OXCT1: variants seen among roughly 807,000 people sequenced by gnomAD.
OXCT1 encodes the protein succinyl-CoA:3-ketoacid coenzyme A transferase 1, mitochondrial.
Under a neutral mutation model 69.6 loss-of-function variants are expected in OXCT1, and 27 were observed. The ratio of observed to expected loss-of-function variants is 0.39; its 90% CI spans 0.29 to 0.54. OXCT1 has a LOEUF of 0.54. OXCT1 is among the 20% of genes least tolerant of loss of function. The pLI, the probability that OXCT1 is intolerant of heterozygous loss-of-function variation, is 0.72. For synonymous variants in OXCT1, 202 were observed against 217.8 expected, an observed-to-expected ratio of 0.93 and a Z score of 0.64; for missense variants, 437 against 650.2, an observed-to-expected ratio of 0.67 and a Z score of 3.57.
At chr5:41,855,204 T>A (rs1749374980) in intron 3 of OXCT1, among the ~76,000 whole-genome samples, 2 of 152,230 alleles carry the variant, frequency 1.3e-5, no homozygotes, top group South Asian at 4.1e-4. Flanking sequence ...ATGTTCAAAA[T>A]CAGACAAAAC....
chr5:41,817,233 TA>T (rs200831486), intron 7 of OXCT1, among the ~76,000 whole-genome samples: 4 of 151,016 alleles, frequency 2.6e-5, no homozygotes, highest in Non-Finnish European at 4.4e-5. Flanking sequence ...TTCCTATAGT[TA>T]AAAAAAAAGA....
chr5:41,804,128 G>C (rs1746556132), intron 9 of OXCT1, among the ~76,000 whole-genome samples: 1 of 152,092 alleles, frequency 6.6e-6, no homozygotes, highest in African/African-American at 2.4e-5. Flanking sequence ...CTTGTGGATA[G>C]AGTAAATCTA....
intron 1 of OXCT1, among the ~76,000 whole-genome samples, chr5:41,864,562 C>T (rs1158815000): frequency 2.0e-5 from 3 of 152,162 alleles, no homozygotes; most frequent in South Asian, 4.1e-4. Context: ...ACAGAAGGAT[C>T]GTAAGATAAA....
rs140027313 is a variant in OXCT1 at position 41,782,563 on chromosome 5, T to C, written c.1248+11440A>G. On this transcript the variant is annotated intron_variant, in intron 13 of 16. Coordinates refer to ENST00000196371, the MANE Select transcript of OXCT1 (RefSeq NM_000436.4). ...TGTATGTCTTCTTTTGAGAAGTATC[T>C]GTTCATGTCCTTTGCCCACTTTTTA... Among the ~76,000 whole-genome samples, 592 of 152,322 alleles carry C rather than the reference T, an allele frequency of 3.9e-3. 2 individuals are homozygous for C. The highest frequency in any genetic ancestry group is 0.014 in the African/African-American group (571 of 41,572).
intron 15 of OXCT1, chr5:41,739,870 CAAAAA>C (rs770217745): frequency 3.7e-5 from 3 of 80,402 alleles, no homozygotes; most frequent in Admixed American, 1.3e-4. Context: ...GACTCTGTCT[CAAAAA>C]AAAAAAAAAA....
At chr5:41,857,922 T>A (rs983466754) in intron 3 of OXCT1, among the ~76,000 whole-genome samples, 3 of 152,212 alleles carry the variant, frequency 2.0e-5, no homozygotes, top group African/African-American at 7.2e-5. Context: ...TATCTGAAAC[T>A]CCTACAGGCC....
At chr5:41,805,810 C>T in intron 8 of OXCT1, 129 bp from the exon 9 acceptor site, 1 of 687,686 alleles carries the variant, frequency 1.5e-6, no homozygotes, top group South Asian at 1.6e-5. Context: ...CTGCAATATA[C>T]CAGATATTTA....
intron 14 of OXCT1, among the ~76,000 whole-genome samples, chr5:41,760,761 T>G (rs1579677881): frequency 6.6e-6 from 1 of 152,150 alleles, no homozygotes; most frequent in South Asian, 2.1e-4. Flanking sequence ...TTGCAAGGCA[T>G]TCTCAGAAGT....
At chr5:41,835,350 T>G (rs1158579812) in intron 7 of OXCT1, among the ~76,000 whole-genome samples, 1 of 152,214 alleles carries the variant, frequency 6.6e-6, no homozygotes, top group African/African-American at 2.4e-5. Context: ...ATTTAAAAAT[T>G]TTAAAACAAT....
chr5:41,867,974 T>A, intron 1 of OXCT1, among the ~76,000 whole-genome samples: 1 of 152,168 alleles, frequency 6.6e-6, no homozygotes, highest in South Asian at 2.1e-4. Flanking sequence ...GGGCAGTCAG[T>A]CCCCAGACCA....
intron 15 of OXCT1, among the ~76,000 whole-genome samples, chr5:41,747,208 AC>A (rs1743537898): frequency 6.6e-6 from 1 of 151,764 alleles, no homozygotes; most frequent in Non-Finnish European, 1.5e-5. Flanking sequence ...TGCCTTTTCC[AC>A]CTCAGCCTTC....
At chr5:41,812,801 C>T (rs1325875522) in intron 7 of OXCT1, among the ~76,000 whole-genome samples, 1 of 151,954 alleles carries the variant, frequency 6.6e-6, no homozygotes, top group Non-Finnish European at 1.5e-5. Flanking sequence ...CCCAGATTCT[C>T]TGTACTAATA....
chr5:41,870,298 C>A lies in OXCT1; in HGVS notation c.61G>T (p.Gly21Trp). 1 of 1,613,870 alleles carries A rather than the reference C, an allele frequency of 6.2e-7. No individual in the cohort carries two copies. Among genetic ancestry groups the A allele is most frequent in the Non-Finnish European group, 8.5e-7 (1 of 1,179,774 alleles). Residue 21 changes from glycine (G) to tryptophan (W), a missense_variant, in exon 1 of 17, where the codon GGG (glycine) becomes TGG (tryptophan). By Grantham distance (184) the Gly-to-Trp change is radical. Around this residue, in one of 4 missense-constraint regions of OXCT1, gnomAD observed 79 missense variants for 61.5 expected, o/e 1.28. Transcript: ENST00000196371. This position sits in a 1 kb window ranked among gnomAD's most constrained non-coding sequence, Gnocchi z 4.2. ...CACTTTACCTTGTACCAGGTTGCCC[C>A]AGATCCGCGGGCAGAGGCGCAGAGC... ...LRLCASARGS[G>W]ATWYKGCVCS...
chr5:41,817,247 G>A (rs1747293308), intron 7 of OXCT1, among the ~76,000 whole-genome samples: 2 of 152,038 alleles, frequency 1.3e-5, no homozygotes, highest in South Asian at 4.1e-4. Context: ...AAAAAAGACA[G>A]TATGATATAA....
chr5:41,842,853 G>C (rs756775380), intron 5 of OXCT1, 72 bp from the exon 6 acceptor site: 2 of 992,052 alleles, frequency 2.0e-6, no homozygotes, highest in African/African-American at 1.6e-5. Flanking sequence ...CTCTGATAGA[G>C]GTAGATAATA....
chr5:41,745,807 G>A (rs1368683160), intron 15 of OXCT1, among the ~76,000 whole-genome samples: 1 of 152,100 alleles, frequency 6.6e-6, no homozygotes, highest in Non-Finnish European at 1.5e-5. Flanking sequence ...TAGAAGAAAT[G>A]GATAAATTCC....
chr5:41,850,337 G>C (rs995678450), intron 4 of OXCT1, among the ~76,000 whole-genome samples, 158 bp from the exon 5 acceptor site: 1 of 152,170 alleles, frequency 6.6e-6, no homozygotes, highest in Non-Finnish European at 1.5e-5. Flanking sequence ...TATGCTAGAA[G>C]ATCAATTTTA....
chr5:41,868,889 T>A (rs11745373), intron 1 of OXCT1, among the ~76,000 whole-genome samples: 58,233 of 151,990 alleles, frequency 0.38, 13,676 homozygotes, highest in African/African-American at 0.66. Context: ...CCCTCTAAGA[T>A]GAGGTTTGCT....
intron 7 of OXCT1, among the ~76,000 whole-genome samples, chr5:41,834,692 A>C (rs1029969148): frequency 6.6e-6 from 1 of 152,182 alleles, no homozygotes; most frequent in African/African-American, 2.4e-5. Context: ...ATATTATTAG[A>C]GCTAAAGAGA....
Sources: allele counts gnomAD v4.1 joint callset (sites outside exome capture counted in the v4.1 genomes callset), GRCh38; gene constraint gnomAD v4.1.1; regional missense constraint gnomAD v4.1.1; non-coding constraint Gnocchi (gnomAD v3.1); transcripts MANE v1.5; gene names NCBI Gene and HGNC (gene_info 2026-07-23, HGNC 2026-07-21).